The following PAN3 variants were observed in gnomAD, a reference collection of about 807,000 sequenced individuals.
PAN3 encodes PAN2-PAN3 deadenylation complex subunit PAN3.
Under a neutral mutation model 96.2 loss-of-function variants are expected in PAN3, and 19 were observed. That is an observed-to-expected ratio of 0.20 (90% CI 0.14 to 0.29). PAN3 has a LOEUF of 0.29. Among genes scored for constraint, PAN3 ranks in the 10% least tolerant of loss-of-function variants. The probability of loss-of-function intolerance (pLI) is 1.00; values close to 1 mark genes in which losing one functional copy is unlikely to be tolerated. For synonymous variants in PAN3, 433 were observed against 406.6 expected (o/e 1.06, Z -0.78); for missense variants, 882 against 1,108.1 (o/e 0.80, Z 2.90).
Position 28,216,523 on chromosome 13 carries a change from CCAGGTTAGGTTTT to C in PAN3, c.853-3705_853-3693del. 2.0e-5 allele frequency among the ~76,000 whole-genome samples: 3 copies of C among 152,166 alleles called. No individual in the cohort carries two copies. In the Middle Eastern group the frequency reaches 0.01, roughly 518 times the overall value. On this transcript the variant is annotated intron_variant, in intron 5 of 18. Transcript: ENST00000380958. The stretch of plus-strand genomic sequence containing the variant: ...AAATAAAGTTGTTAACAAAAAGTCA[CCAGGTTAGGTTTT>C]CATTCAGAGGATGGAAAGATTACTG...
intron 5 of PAN3, among the ~76,000 whole-genome samples, chr13:28,210,333 C>T (rs968126186): frequency 5.3e-5 from 8 of 152,064 alleles, no homozygotes; most frequent in Non-Finnish European, 1.0e-4. Context: ...CTTCATTTGC[C>T]GGGTTCCAAC....
intron 1 of PAN3, among the ~76,000 whole-genome samples, chr13:28,163,761 A>G (rs1054450316): frequency 1.3e-5 from 2 of 152,216 alleles, no homozygotes; most frequent in African/African-American, 4.8e-5. Context: ...TTCAATCGTT[A>G]TATGATTCTT....
At chr13:28,230,847 T>C (rs1335489249) in intron 6 of PAN3, among the ~76,000 whole-genome samples, 1 of 152,210 alleles carries the variant, frequency 6.6e-6, no homozygotes, top group East Asian at 1.9e-4. Context: ...AGGACACCAT[T>C]TACTCAAACA....
chr13:28,215,052 A>G, intron 5 of PAN3: 3 of 1,077,978 alleles, frequency 2.8e-6, no homozygotes, highest in Non-Finnish European at 4.2e-6. Flanking sequence ...TTATATTAAT[A>G]AAATTGGCTA....
At chr13:28,250,719 G>A (rs372360686) in intron 6 of PAN3, among the ~76,000 whole-genome samples, 1 of 152,186 alleles carries the variant, frequency 6.6e-6, no homozygotes, top group East Asian at 1.9e-4. Context: ...GCCCAGACTG[G>A]CCTCTAACGC....
chr13:28,251,637 G>A (rs1389003828), intron 6 of PAN3, among the ~76,000 whole-genome samples: 1 of 152,074 alleles, frequency 6.6e-6, no homozygotes, highest in Non-Finnish European at 1.5e-5. Context: ...TTCCCTTTTT[G>A]TTCTATGAGC....
intron 1 of PAN3, among the ~76,000 whole-genome samples, chr13:28,155,328 G>T (rs1042585520): frequency 1.3e-5 from 2 of 152,060 alleles, no homozygotes; most frequent in Admixed American, 1.3e-4. Context: ...GGACACAGTG[G>T]CCTGTAATCC....
At chr13:28,239,961 T>C (rs981119611) in intron 6 of PAN3, 7 of 169,534 alleles carry the variant, frequency 4.1e-5, no homozygotes, top group Non-Finnish European at 8.9e-5. Flanking sequence ...CAAGTTTCTT[T>C]TTTTAAAATA....
chr13:28,183,853 G>A (rs926823739), intron 4 of PAN3, among the ~76,000 whole-genome samples: 33 of 152,136 alleles, frequency 2.2e-4, no homozygotes, highest in African/African-American at 6.3e-4. Context: ...GACTAAATGG[G>A]ACATGTTGCC....
At chr13:28,285,289 G>A (rs1279976882) in intron 17 of PAN3, among the ~76,000 whole-genome samples, 1 of 152,120 alleles carries the variant, frequency 6.6e-6, no homozygotes, top group East Asian at 1.9e-4. Flanking sequence ...AATTTCTCTT[G>A]AGTGGTTGTG....
intron 1 of PAN3, among the ~76,000 whole-genome samples, chr13:28,165,130 A>G (rs1054661878): frequency 6.6e-6 from 1 of 151,918 alleles, no homozygotes; most frequent in African/African-American, 2.4e-5. Flanking sequence ...CTGGTCTCGA[A>G]CTCCTGACCT....
intron 5 of PAN3, among the ~76,000 whole-genome samples, chr13:28,216,580 C>T (rs938810637): frequency 3.3e-5 from 5 of 152,056 alleles, no homozygotes; most frequent in Non-Finnish European, 7.4e-5. Flanking sequence ...TTACAGAGCC[C>T]TTAAGATAGC....
intron 4 of PAN3, among the ~76,000 whole-genome samples, chr13:28,196,706 GGTTA>G (rs1284387565): frequency 1.3e-5 from 2 of 151,894 alleles, no homozygotes; most frequent in East Asian, 1.9e-4. Flanking sequence ...TTTAAAAGTG[GGTTA>G]GTTCTCAGTA....
intron 6 of PAN3, among the ~76,000 whole-genome samples, chr13:28,221,783 A>G (rs1038228191): frequency 5.9e-5 from 9 of 152,180 alleles, no homozygotes; most frequent in Non-Finnish European, 7.3e-5. Flanking sequence ...CAGTGTCAGA[A>G]TTGAATATCT....
At chr13:28,178,240 T>C (rs540954606) in intron 4 of PAN3, among the ~76,000 whole-genome samples, 115 of 152,322 alleles carry the variant, frequency 7.5e-4, no homozygotes, top group Middle Eastern at 6.8e-3. Flanking sequence ...GCTGTTAATG[T>C]GACCCATTGT....
chr13:28,260,253 G>T (rs918767113), intron 7 of PAN3, among the ~76,000 whole-genome samples, 194 bp from the exon 8 acceptor site: 1 of 151,896 alleles, frequency 6.6e-6, no homozygotes, highest in African/African-American at 2.4e-5. Context: ...AAAATTAGCT[G>T]GGCATGATGG....
At position 28,272,071 on chromosome 13, in the gene PAN3, GGTGA is replaced by G. The variant is rs1273496057; in HGVS notation, c.2049+3_2049+6del. On this transcript the variant is annotated splice_donor_variant and splice_donor_region_variant and intron_variant, in intron 14 of 18. Coordinates refer to ENST00000380958, the MANE Select transcript of PAN3 (RefSeq NM_175854.8). LOFTEE classifies it high-confidence loss of function. The stretch of plus-strand genomic sequence containing the variant: ...CATTGGCATTAATGGCCCAGTACCA[GGTGA>G]GTAAGAATTAACATGGATATTTACT... 2 of 1,530,892 alleles carry G rather than the reference GGTGA, an allele frequency of 1.3e-6. No individual in the cohort carries two copies. The highest frequency in any genetic ancestry group is 1.8e-5 in the Admixed American group (1 of 54,626). The allele number at this position is 1,530,892 out of a possible 1,614,324, so 94.8% of individuals were successfully genotyped here.
chr13:28,285,495 C>G (rs1868865728), intron 17 of PAN3, among the ~76,000 whole-genome samples: 2 of 151,986 alleles, frequency 1.3e-5, no homozygotes, highest in Admixed American at 1.3e-4. Flanking sequence ...CAGTGATGTT[C>G]CTTGGTGTAG....
intron 18 of PAN3, 67 bp from the exon 19 acceptor site, chr13:28,292,315 C>T: frequency 7.0e-7 from 1 of 1,428,936 alleles, no homozygotes; most frequent in Non-Finnish European, 9.3e-7. Flanking sequence ...TTTATTTTTG[C>T]TGCAAACGTA....
Sources: allele counts gnomAD v4.1 joint callset (sites outside exome capture counted in the v4.1 genomes callset), GRCh38; gene constraint gnomAD v4.1.1; transcripts MANE v1.5; gene names NCBI Gene and HGNC (gene_info 2026-07-23, HGNC 2026-07-21).